Variants in ITIH1 observed in about 807,000 individuals in gnomAD.
The protein encoded by ITIH1 is inter-alpha-trypsin inhibitor heavy chain H1.
Under a neutral mutation model 104.6 loss-of-function variants are expected in ITIH1, and 94 were observed. The observed-to-expected ratio is 0.90, with a 90% CI of 0.76 to 1.07. The LOEUF is 1.07. Ranked by LOEUF, ITIH1 falls within the 50% of genes least tolerant of loss-of-function variation. The pLI is 0.00. For synonymous variants in ITIH1, 455 were observed against 464.4 expected (o/e 0.98, Z 0.26); for missense variants, 1,193 against 1,181.4 (o/e 1.01, Z -0.14).
At chr3:52,782,116 G>C in intron 7 of ITIH1, 35 bp from the exon 8 acceptor site, 2 of 1,614,138 alleles carry the variant, frequency 1.2e-6, no homozygotes, top group Non-Finnish European at 1.7e-6. Flanking sequence ...AAGGGGTGCT[G>C]TGAGAGTGGC....
chr3:52,781,295 CTT>C (rs1699051864), intron 6 of ITIH1, among the ~76,000 whole-genome samples: 1 of 120,138 alleles, frequency 8.3e-6, no homozygotes, highest in Non-Finnish European at 1.8e-5. Context: ...TCCTCTTCTT[CTT>C]CTTCTGCTTC....
chr3:52,781,833 G>A (rs569245867), intron 6 of ITIH1, 107 bp from the exon 7 acceptor site: 55 of 1,440,094 alleles, frequency 3.8e-5, no homozygotes, highest in South Asian at 7.7e-5. Context: ...TTCTCTGTCC[G>A]TGCAAACACA....
At chr3:52,786,269 AC>A (rs1266372039) in intron 12 of ITIH1, 25 bp from the exon 13 acceptor site, 2 of 1,559,622 alleles carry the variant, frequency 1.3e-6, no homozygotes, top group Admixed American at 3.9e-5. Flanking sequence ...ATGGTGCACC[AC>A]CCCTCTCTGT....
chr3:52,790,631 AT>A, intron 19 of ITIH1, 117 bp from the exon 20 acceptor site: 1 of 987,912 alleles, frequency 1.0e-6, no homozygotes, highest in Non-Finnish European at 1.5e-6. Flanking sequence ...CCATCTGGGG[AT>A]GAAGGCCATG....
intron 18 of ITIH1, 133 bp downstream of exon 18, chr3:52,788,478 C>A: frequency 1.5e-6 from 1 of 652,776 alleles, no homozygotes; most frequent in Non-Finnish European, 2.7e-6. Context: ...TGGGCTCTGC[C>A]CGCTGCCTTC....
rs1326512408 is a variant in ITIH1 at position 52,785,166 on chromosome 3, G to T, written c.1530G>T (p.Val510=). The T allele has an allele frequency of 6.2e-7, 1 of 1,614,026 alleles. No individual in the cohort carries two copies. Among genetic ancestry groups the T allele is most frequent in the African/African-American group, 1.3e-5 (1 of 74,912 alleles). Residue 510 remains valine (V), a synonymous_variant, in exon 12 of 22, where the codon GTG becomes GTT. Coordinates refer to ENST00000273283, the MANE Select transcript of ITIH1 (RefSeq NM_002215.4). ...AGTACTACGAAGGCTCAGAGATTGT[G>T]GTGGCCGGGCGCATTGCTGACAACA... ...HKQYYEGSEI[V]VAGRIADNKQ...
At position 52,781,208 on chromosome 3, in the gene ITIH1, T is replaced by TTCTTCTTC. The variant is rs71878578; in HGVS notation, c.688-731_688-730insCTTCTTCT. On this transcript the variant is annotated intron_variant, in intron 6 of 21. Transcript: ENST00000273283. ...CACCTCCTCCTCTTCTTTTTTTTTT[T>TTCTTCTTC]TTCTTCTTCTTCTTCTTCTTCTTCT... Among the ~76,000 whole-genome samples the TTCTTCTTC allele has an allele frequency of 3.6e-4, 18 of 49,980 alleles. No individual in the cohort carries two copies. In the East Asian group the frequency reaches 4.8e-3, roughly 13 times the overall value. 32.8% of individuals were successfully genotyped at this position (49,980 alleles called of 152,430 possible).
chr3:52,787,151 T>A, intron 14 of ITIH1, 37 bp from the exon 15 acceptor site: 1 of 1,614,206 alleles, frequency 6.2e-7, no homozygotes, highest in South Asian at 1.1e-5. Flanking sequence ...CAAAAACCTC[T>A]GGGGCTCTAA....
Position 52,782,181 on chromosome 3 carries a change from G to GC in ITIH1, c.850dup (p.Gln284ProfsTer15). ...CAATAACCACTTTGCCCACTTCTTT[G>GC]CCCCCCAAAACCTGACAAACATGAA... On this transcript the variant is annotated frameshift_variant, in exon 8 of 22. Coordinates refer to ENST00000273283, the MANE Select transcript of ITIH1 (RefSeq NM_002215.4). LOFTEE classifies it high-confidence loss of function. 1.9e-6 allele frequency: 3 copies of GC among 1,614,050 alleles called. No homozygotes were observed. Among genetic ancestry groups the GC allele is most frequent in the Non-Finnish European group, 1.7e-6 (2 of 1,180,012 alleles).
At chr3:52,777,845 C>T (rs1698943516) in intron 1 of ITIH1, 113 bp downstream of exon 1, 9 of 1,336,346 alleles carry the variant, frequency 6.7e-6, no homozygotes, top group Non-Finnish European at 7.5e-6. Flanking sequence ...ACCTCCACCA[C>T]TTCTGAGTGG....
Position 52,786,434 on chromosome 3 carries a change from G to A in ITIH1, c.1733G>A (p.Arg578Gln), listed in dbSNP as rs146111986. The A allele has an allele frequency of 2.2e-4, 340 of 1,577,270 alleles. 2 individuals are homozygous for A. In the East Asian group the frequency reaches 2.6e-3, roughly 12 times the overall value. ...YLTIQELLAKRMKVDREERAN... is the reference protein window; with the variant it reads ...YLTIQELLAKQMKVDREERAN... ...ACCATCCAGGAGCTGCTGGCCAAGC[G>A]GTAGGGCACCTGCAGCTGCCCCAGG... The change falls in exon 13 of 22, where the codon CGG becomes CAG. Residue 578 changes from arginine (R) to glutamine (Q), a missense_variant and splice_region_variant. Transcript: ENST00000273283.
Position 52,787,998 on chromosome 3 carries a change from C to T in ITIH1, c.1937C>T (p.Ser646Leu), listed in dbSNP as rs1187048825. ...MLGPRRTFVLSALQPSPTHSS... is the reference protein window; with the variant it reads ...MLGPRRTFVLLALQPSPTHSS... ...CCCCTCCCATCAGCGTTCGTGCTGT[C>T]AGCCTTGCAGCCTTCTCCTACTCAT... Residue 646 changes from serine to leucine, a missense_variant, in exon 17 of 22, where the codon TCA becomes TTA. Physicochemically the swap from Ser to Leu is moderately radical, Grantham distance 145. Coordinates refer to ENST00000273283, the MANE Select transcript of ITIH1 (RefSeq NM_002215.4). The T allele has an allele frequency of 6.2e-7, 1 of 1,613,766 alleles. No homozygotes were observed. The highest frequency in any genetic ancestry group is 8.5e-7 in the Non-Finnish European group (1 of 1,179,818).
intron 15 of ITIH1, 34 bp from the exon 16 acceptor site, chr3:52,787,558 A>G (rs779626318): frequency 3.7e-6 from 6 of 1,613,962 alleles, no homozygotes; most frequent in Non-Finnish European, 5.1e-6. Context: ...CGTGGGTGAC[A>G]CTGTCTTCGA....
intron 16 of ITIH1, 81 bp downstream of exon 16, chr3:52,787,693 C>A: frequency 7.0e-7 from 1 of 1,430,226 alleles, no homozygotes; most frequent in Non-Finnish European, 9.9e-7. Context: ...TCCGTTCTAG[C>A]TGTCTTCACT....
Position 52,781,204 on chromosome 3 carries a change from T to C in ITIH1, c.688-736T>C, listed in dbSNP as rs866039394. Among the ~76,000 whole-genome samples, 30 of 121,296 alleles carry C rather than the reference T, an allele frequency of 2.5e-4. 1 individual carries two copies. The highest frequency in any genetic ancestry group is 1.2e-3 in the South Asian group (5 of 4,170). The allele number at this position is 121,296 out of a possible 152,430, so 79.6% of individuals were successfully genotyped here. ...CCTTCACCTCCTCCTCTTCTTTTTT[T>C]TTTTTTCTTCTTCTTCTTCTTCTTC... On this transcript the variant is annotated intron_variant, in intron 6 of 21. Coordinates refer to ENST00000273283, the MANE Select transcript of ITIH1 (RefSeq NM_002215.4).
At position 52,783,038 on chromosome 3, in the gene ITIH1, C is replaced by T; in HGVS notation, c.1012C>T (p.Gln338Ter). The T allele has an allele frequency of 6.2e-7, 1 of 1,614,022 alleles. No individual in the cohort carries two copies. The highest frequency in any genetic ancestry group is 8.5e-7 in the Non-Finnish European group (1 of 1,179,990). ...CCTGGTTCTTTTTGGGACTCGAGTA[C>T]AATCGTGGAAGGGCTCGCTGGTGCA... ...FDLVLFGTRV[Q>*]SWKGSLVQAS... The change falls in exon 9 of 22, where the codon CAA becomes TAA. Residue 338 changes from glutamine (Q) to a stop codon, truncating the protein, a stop_gained. Coordinates refer to ENST00000273283, the MANE Select transcript of ITIH1 (RefSeq NM_002215.4). LOFTEE classifies it high-confidence loss of function.
At position 52,779,136 on chromosome 3, in the gene ITIH1, C is replaced by T; in HGVS notation, c.410+90C>T. 1.1e-6 allele frequency: 1 copy of T among 945,976 alleles called. No homozygotes were observed. The highest frequency in any genetic ancestry group is 1.7e-6 in the Non-Finnish European group (1 of 578,656). 58.6% of individuals were successfully genotyped at this position (945,976 alleles called of 1,614,324 possible). The stretch of plus-strand genomic sequence containing the variant: ...GCTGCAAGGTGGCTTTAGTGGAGAA[C>T]AGCCCAGGATGATGGAAGGGTAAGC... On this transcript the variant is annotated intron_variant, in intron 4 of 21. Transcript: ENST00000273283. The surrounding 1 kb of genome is among the most constrained non-coding windows in gnomAD (Gnocchi z 4.4).
Position 52,782,134 on chromosome 3 carries a change from G to A in ITIH1, c.814-17G>A, listed in dbSNP as rs751081001. 10 of 1,614,076 alleles carry A rather than the reference G, an allele frequency of 6.2e-6. No individual in the cohort carries two copies. The highest frequency in any genetic ancestry group is 3.3e-5 in the Admixed American group (2 of 60,022). ...GGGTGCTGTGAGAGTGGCCTCACTCGTTCTCCTCTATTTCAGGTGGCCAAT... is the reference window on the plus strand; with the variant it reads ...GGGTGCTGTGAGAGTGGCCTCACTCATTCTCCTCTATTTCAGGTGGCCAAT... On this transcript the variant is annotated splice_polypyrimidine_tract_variant and intron_variant, in intron 7 of 21. Coordinates refer to ENST00000273283, the MANE Select transcript of ITIH1 (RefSeq NM_002215.4).
chr3:52,777,837 C>A, intron 1 of ITIH1, 105 bp downstream of exon 1: 2 of 1,347,994 alleles, frequency 1.5e-6, no homozygotes, highest in African/African-American at 1.4e-5. Context: ...CCCCCACCAC[C>A]TCCACCACTT....
Sources: gnomAD v4.1 joint callset for allele counts (sites outside exome capture counted in the v4.1 genomes callset) on GRCh38, gnomAD v4.1.1 for gene constraint, Gnocchi (gnomAD v3.1) non-coding constraint, MANE v1.5 for transcripts, NCBI Gene and HGNC (gene_info 2026-07-23, HGNC 2026-07-21) for gene names.